Variants in KCNB2 observed in about 807,000 individuals in gnomAD.
The protein encoded by KCNB2 is delayed rectifier potassium channel protein.
In KCNB2, 15 loss-of-function variants were observed where a neutral mutation model predicts 61.5. The ratio of observed to expected loss-of-function variants is 0.24; its 90% CI spans 0.16 to 0.38. KCNB2 has a LOEUF of 0.38. Among genes scored for constraint, KCNB2 ranks in the 10% least tolerant of loss-of-function variants. The pLI, the probability that KCNB2 is intolerant of heterozygous loss-of-function variation, is 1.00. For missense variants in KCNB2, 828 were observed against 1,125.2 expected (o/e 0.74, Z 3.78); for synonymous variants, 457 against 446.0 (o/e 1.02, Z -0.31).
intron 2 of KCNB2, among the ~76,000 whole-genome samples, chr8:72,830,774 T>C (rs1251208982): frequency 6.6e-6 from 1 of 152,222 alleles, no homozygotes; most frequent in African/African-American, 2.4e-5. Flanking sequence ...AATGCCATTT[T>C]AACCTCACCC....
chr8:72,805,928 A>C (rs1027520322), intron 2 of KCNB2, among the ~76,000 whole-genome samples: 1 of 152,230 alleles, frequency 6.6e-6, no homozygotes, highest in African/African-American at 2.4e-5. Flanking sequence ...CTGGATGAGG[A>C]AAAGAGACCT....
intron 2 of KCNB2, among the ~76,000 whole-genome samples, chr8:72,716,278 T>C (rs1807438839): frequency 6.6e-6 from 1 of 151,848 alleles, no homozygotes; most frequent in Non-Finnish European, 1.5e-5. Context: ...TTCCAATCAA[T>C]AGAAAAACAG....
intron 2 of KCNB2, among the ~76,000 whole-genome samples, chr8:72,714,392 A>G (rs1403998772): frequency 3.3e-5 from 5 of 152,144 alleles, no homozygotes; most frequent in Admixed American, 1.3e-4. Flanking sequence ...AGGAAAAAAT[A>G]TTAAGGGCAG....
At chr8:72,799,918 G>A (rs1809095646) in intron 2 of KCNB2, among the ~76,000 whole-genome samples, 1 of 152,058 alleles carries the variant, frequency 6.6e-6, no homozygotes, top group African/African-American at 2.4e-5. Flanking sequence ...TACCTGTTGG[G>A]GTGCTTTCTG....
intron 2 of KCNB2, among the ~76,000 whole-genome samples, chr8:72,620,169 G>A (rs187984091): frequency 1.1e-3 from 161 of 152,228 alleles, no homozygotes; most frequent in African/African-American, 3.7e-3. Flanking sequence ...CCATCACATA[G>A]CACTACTTTA....
intron 2 of KCNB2, among the ~76,000 whole-genome samples, chr8:72,775,926 A>G (rs1046441652): frequency 6.6e-6 from 1 of 152,218 alleles, no homozygotes; most frequent in Non-Finnish European, 1.5e-5. Flanking sequence ...ATTATAAATC[A>G]TGCTGCTATG....
chr8:72,662,613 C>G (rs1271834262), intron 2 of KCNB2, among the ~76,000 whole-genome samples: 1 of 152,116 alleles, frequency 6.6e-6, no homozygotes, highest in Non-Finnish European at 1.5e-5. Context: ...GGCCCCTGAT[C>G]CTGGTCAGTG....
chr8:72,733,569 T>A (rs1056861306), intron 2 of KCNB2, among the ~76,000 whole-genome samples: 1 of 152,178 alleles, frequency 6.6e-6, no homozygotes, highest in Admixed American at 6.5e-5. Flanking sequence ...TTATAATGAC[T>A]GTAATATAGG....
chr8:72,857,672 A>T (rs1810228443), intron 2 of KCNB2, among the ~76,000 whole-genome samples: 1 of 152,178 alleles, frequency 6.6e-6, no homozygotes, highest in Non-Finnish European at 1.5e-5. Context: ...AAGAAGAATG[A>T]AGAGTCAGAA....
intron 2 of KCNB2, among the ~76,000 whole-genome samples, chr8:72,719,010 A>G (rs1807499491): frequency 6.6e-6 from 1 of 152,160 alleles, no homozygotes; most frequent in African/African-American, 2.4e-5. Flanking sequence ...GGCAAATAGT[A>G]GTAACAAGAG....
intron 2 of KCNB2, among the ~76,000 whole-genome samples, chr8:72,723,740 T>C (rs1807588236): frequency 6.6e-6 from 1 of 152,116 alleles, no homozygotes; most frequent in East Asian, 1.9e-4. Context: ...TATTTTCTAA[T>C]CCAAACCTGT....
intron 2 of KCNB2, among the ~76,000 whole-genome samples, chr8:72,828,372 T>C (rs1364011598): frequency 6.6e-6 from 1 of 152,142 alleles, no homozygotes; most frequent in Non-Finnish European, 1.5e-5. Flanking sequence ...TAATAAAAAA[T>C]GGGTTAATGT....
chr8:72,646,106 G>A (rs1806125322), intron 2 of KCNB2, among the ~76,000 whole-genome samples: 2 of 151,886 alleles, frequency 1.3e-5, no homozygotes, highest in African/African-American at 2.4e-5. Flanking sequence ...TTTTACTATT[G>A]TTCTATGTAT....
At chr8:72,932,812 G>T (rs1424471393) in intron 2 of KCNB2, among the ~76,000 whole-genome samples, 1 of 151,980 alleles carries the variant, frequency 6.6e-6, no homozygotes, top group Non-Finnish European at 1.5e-5. Flanking sequence ...CAAGCTTAAA[G>T]CAAAATTTCA....
intron 2 of KCNB2, among the ~76,000 whole-genome samples, chr8:72,701,551 A>T (rs1306171774): frequency 1.3e-5 from 2 of 152,132 alleles, no homozygotes; most frequent in East Asian, 3.9e-4. Context: ...AGATTTTTTT[A>T]AAAACTTTCC....
At chr8:72,931,196 T>C (rs1287988238) in intron 2 of KCNB2, among the ~76,000 whole-genome samples, 1 of 152,250 alleles carries the variant, frequency 6.6e-6, no homozygotes, top group Admixed American at 6.5e-5. Context: ...TTTTGGTTAC[T>C]GTAGTCTTGT....
In KCNB2 at chr8:72,749,654, C is replaced by A. The variant is rs184016570; in HGVS notation, c.579+181341C>A. 5.7e-4 allele frequency among the ~76,000 whole-genome samples: 86 copies of A among 149,824 alleles called. No homozygotes were observed. The East Asian group carries it at 0.01, about 18-fold the overall frequency. On this transcript the variant is annotated intron_variant, in intron 2 of 2. Coordinates refer to ENST00000523207, the MANE Select transcript of KCNB2 (RefSeq NM_004770.3). Reference sequence around the variant, plus strand: ...AGGTAACATTTTACACCCAAAAAACCATGATATTGCTTTAAAAGATTTTTT... The same window carrying A: ...AGGTAACATTTTACACCCAAAAAACAATGATATTGCTTTAAAAGATTTTTT...
At chr8:72,742,431 A>T (rs186240106) in intron 2 of KCNB2, among the ~76,000 whole-genome samples, 5 of 152,146 alleles carry the variant, frequency 3.3e-5, no homozygotes, top group African/African-American at 1.2e-4. Context: ...AGGGTGGTAT[A>T]AATTAAGACT....
At chr8:72,930,190 A>G (rs1387170258) in intron 2 of KCNB2, among the ~76,000 whole-genome samples, 1 of 151,494 alleles carries the variant, frequency 6.6e-6, no homozygotes, top group East Asian at 2.0e-4. Flanking sequence ...TTCTTAATCT[A>G]GTCTATCATT....
Sources: allele counts gnomAD v4.1 joint callset (sites outside exome capture counted in the v4.1 genomes callset), GRCh38; gene constraint gnomAD v4.1.1; transcripts MANE v1.5; gene names NCBI Gene and HGNC (gene_info 2026-07-23, HGNC 2026-07-21).